NSUN2: variants seen among roughly 807,000 people sequenced by gnomAD.
NSUN2 encodes NOP2/Sun RNA methyltransferase 2.
NSUN2 carries 63 observed loss-of-function variants against 92.7 expected under a neutral mutation model. The observed-to-expected ratio is 0.68, with a 90% CI of 0.56 to 0.84. The LOEUF (loss-of-function observed/expected upper bound fraction) is 0.84, where lower values mean the gene tolerates loss of function less well. NSUN2 is among the 40% of genes least tolerant of loss of function. The probability of loss-of-function intolerance (pLI) is 0.00; values close to 1 mark genes in which losing one functional copy is unlikely to be tolerated. For synonymous variants in NSUN2, 356 were observed against 348.3 expected (o/e 1.02, Z -0.25); for missense variants, 989 against 964.9 (o/e 1.02, Z -0.33).
At chr5:6,601,057 G>T (rs376022432) in intron 18 of NSUN2, among the ~76,000 whole-genome samples, 1 of 152,050 alleles carries the variant, frequency 6.6e-6, no homozygotes, top group Non-Finnish European at 1.5e-5. Flanking sequence ...GGCTCCTAAC[G>T]GCCGTGTTTA....
rs562225953 is a variant in NSUN2, at chr5:6,632,507, G to A, written c.254+92C>T. 4.5e-5 allele frequency: 65 copies of A among 1,429,850 alleles called. No individual in the cohort carries two copies. The South Asian group carries it at 5.1e-4, about 11-fold the overall frequency. 88.6% of individuals were successfully genotyped at this position (1,429,850 alleles called of 1,614,324 possible). A position where few individuals can be genotyped will look rare whatever the true frequency, so the allele number is the denominator to read the frequency against. The stretch of plus-strand genomic sequence containing the variant: ...AACCGCTGAAACGCCACGGTTCTCT[G>A]GCACTGTAACACTTGTCGAAGAAAA... On this transcript the variant is annotated intron_variant, in intron 2 of 18. Coordinates refer to ENST00000264670, the MANE Select transcript of NSUN2 (RefSeq NM_017755.6).
intron 5 of NSUN2, among the ~76,000 whole-genome samples, chr5:6,622,764 C>T (rs1321691263): frequency 6.6e-6 from 1 of 150,676 alleles, no homozygotes; most frequent in African/African-American, 2.4e-5. Context: ...GGAGAATTGC[C>T]TGAACTCAGG....
chr5:6,611,643 C>T (rs1170347014), intron 10 of NSUN2, 82 bp downstream of exon 10: 2 of 1,091,838 alleles, frequency 1.8e-6, no homozygotes, highest in Admixed American at 1.8e-5. Flanking sequence ...AAGTTACTCA[C>T]ACGTGAATGC....
chr5:6,603,857 G>A (rs1338439480), intron 17 of NSUN2: 3 of 310,466 alleles, frequency 9.7e-6, no homozygotes, highest in Non-Finnish European at 1.8e-5. Flanking sequence ...AGCAAGGTGA[G>A]CAAAGGCCAG....
chr5:6,608,845 G>T (rs1050647593), intron 12 of NSUN2, among the ~76,000 whole-genome samples: 4 of 152,162 alleles, frequency 2.6e-5, no homozygotes, highest in African/African-American at 9.7e-5. Context: ...ATGAATGAAT[G>T]CAAAGTATCT....
chr5:6,611,339 C>T (rs1736980289), intron 10 of NSUN2, among the ~76,000 whole-genome samples: 1 of 150,446 alleles, frequency 6.6e-6, no homozygotes, highest in Non-Finnish European at 1.5e-5. Flanking sequence ...TATAAAATAA[C>T]ATTTTCCATC....
chr5:6,608,901 AT>A (rs1402737484), intron 12 of NSUN2, among the ~76,000 whole-genome samples: 2 of 152,248 alleles, frequency 1.3e-5, no homozygotes, highest in Non-Finnish European at 2.9e-5. Context: ...TGAAAATAAC[AT>A]TCCATCAGCG....
At chr5:6,613,137 A>T (rs1050009876) in intron 9 of NSUN2, among the ~76,000 whole-genome samples, 4 of 152,270 alleles carry the variant, frequency 2.6e-5, no homozygotes, top group Non-Finnish European at 4.4e-5. Context: ...CCACCTGTCC[A>T]GTAAGAAAAT....
chr5:6,612,873 C>A lies in NSUN2; in HGVS notation c.1022-1075G>T, dbSNP rs145690721. On this transcript the variant is annotated intron_variant, in intron 9 of 18. Transcript: ENST00000264670. ...CTGGGTTGGAAGCTGCCAATGCTAC[C>A]CCATGTTGCCCCTTCTCCAGTAAAG... Among the ~76,000 whole-genome samples the A allele has an allele frequency of 3.9e-5, 6 of 152,290 alleles. No homozygotes were observed. In the East Asian group the frequency reaches 1.2e-3, roughly 29 times the overall value.
intron 18 of NSUN2, among the ~76,000 whole-genome samples, chr5:6,601,182 T>TG (rs1736540294): frequency 1.3e-5 from 2 of 151,884 alleles, no homozygotes; most frequent in Non-Finnish European, 2.9e-5. Flanking sequence ...AAAACCATTA[T>TG]TCCTGAAGTT....
intron 17 of NSUN2, 39 bp downstream of exon 17, chr5:6,604,099 G>A: frequency 1.3e-6 from 2 of 1,589,482 alleles, no homozygotes; most frequent in South Asian, 1.1e-5. Flanking sequence ...CTTATAAAGG[G>A]AATACAAGTT....
At chr5:6,609,159 G>T (rs1048213644) in intron 12 of NSUN2, among the ~76,000 whole-genome samples, 1 of 152,164 alleles carries the variant, frequency 6.6e-6, no homozygotes, top group African/African-American at 2.4e-5. Context: ...AAGAAATACA[G>T]ACTTCCAGAC....
chr5:6,604,325 G>T, intron 16 of NSUN2, 49 bp from the exon 17 acceptor site: 1 of 1,504,842 alleles, frequency 6.6e-7, no homozygotes, highest in South Asian at 1.2e-5. Flanking sequence ...TGTCATTCAT[G>T]AACGACAACA....
intron 3 of NSUN2, among the ~76,000 whole-genome samples, chr5:6,628,219 G>A (rs1167707069): frequency 1.3e-5 from 2 of 152,066 alleles, no homozygotes; most frequent in Non-Finnish European, 2.9e-5. Context: ...ATGGTGATGG[G>A]GGCATGTAAT....
In NSUN2 at chr5:6,599,829, G is replaced by T. The variant is rs759455426; in HGVS notation, c.*97C>A. On this transcript the variant is annotated 3_prime_UTR_variant, in exon 19 of 19. Coordinates refer to ENST00000264670, the MANE Select transcript of NSUN2 (RefSeq NM_017755.6). ...AGTCATTAGAAATATATGCTTTACA[G>T]GCCACAGGCTGCTCTGGATTTGGTT... is the stretch of plus-strand genomic sequence containing the variant. 1.8e-4 allele frequency: 193 copies of T among 1,066,044 alleles called. No homozygotes were observed. The highest frequency in any genetic ancestry group is 2.5e-4 in the Non-Finnish European group (180 of 721,010). 66.0% of individuals were successfully genotyped at this position (1,066,044 alleles called of 1,614,324 possible).
rs1321923500 is a variant in NSUN2, at chr5:6,611,827, G to A, written c.1022-29C>T. On this transcript the variant is annotated intron_variant, in intron 9 of 18. Transcript: ENST00000264670. ...TGCAGCAAAAGCATGGACGTCTTTTGTTTTTCAAAAAAGTATTAACACACT... is the reference window on the plus strand; with the variant it reads ...TGCAGCAAAAGCATGGACGTCTTTTATTTTTCAAAAAAGTATTAACACACT... The A allele has an allele frequency of 2.5e-6, 4 of 1,602,800 alleles. No individual in the cohort carries two copies. The South Asian group carries it at 4.4e-5, about 18-fold the overall frequency.
At chr5:6,608,122 A>G (rs908526494) in intron 12 of NSUN2, among the ~76,000 whole-genome samples, 12 of 152,242 alleles carry the variant, frequency 7.9e-5, no homozygotes, top group Admixed American at 4.6e-4. Flanking sequence ...TGAGCAGAGA[A>G]GCCGGGAGCA....
intron 12 of NSUN2, 23 bp from the exon 13 acceptor site, chr5:6,607,407 T>A: frequency 6.3e-7 from 1 of 1,592,860 alleles, no homozygotes; most frequent in Non-Finnish European, 8.6e-7. Flanking sequence ...ACAATTTCAT[T>A]GACACACAAA....
Position 6,604,648 on chromosome 5 carries a change from T to C in NSUN2, c.1775A>G (p.Asn592Ser). 1.2e-6 allele frequency: 2 copies of C among 1,614,070 alleles called. No individual in the cohort carries two copies. The highest frequency in any genetic ancestry group is 1.7e-6 in the Non-Finnish European group (2 of 1,179,988). ...NTGIKVWCRN[N>S]SGEEFDCAFR... is the part of the protein sequence containing the mutation. The stretch of plus-strand genomic sequence containing the variant: ...AGCACAGTCAAACTCTTCACCGCTG[T>C]TATTTCTACACCAGACTTTGATCCC... The change falls in exon 16 of 19, where the codon AAC (asparagine) becomes AGC (serine). Residue 592 changes from asparagine to serine, a missense_variant. This residue lies in a region of NSUN2 where 626 missense variants were observed against 602.3 expected (regional missense o/e 1.04). Transcript: ENST00000264670.
Sources: gnomAD v4.1 joint callset for allele counts (sites outside exome capture counted in the v4.1 genomes callset) on GRCh38, gnomAD v4.1.1 for gene constraint, gnomAD v4.1.1 regional missense constraint, MANE v1.5 for transcripts, NCBI Gene and HGNC (gene_info 2026-07-23, HGNC 2026-07-21) for gene names.